Variants in FUT8 observed in about 807,000 individuals in gnomAD.
FUT8 encodes the protein alpha-(1,6)-fucosyltransferase.
FUT8 carries 29 observed loss-of-function variants against 71.3 expected under a neutral mutation model. That is an observed-to-expected ratio of 0.41 (90% CI 0.30 to 0.55). The LOEUF is 0.55. Among genes scored for constraint, FUT8 ranks in the 20% least tolerant of loss-of-function variants. The pLI, the probability that FUT8 is intolerant of heterozygous loss-of-function variation, is 0.34. For synonymous variants in FUT8, 254 were observed against 239.3 expected, an observed-to-expected ratio of 1.06 and a Z score of -0.57; for missense variants, 544 against 702.1, an observed-to-expected ratio of 0.77 and a Z score of 2.55.
the FUT8 span, among the ~76,000 whole-genome samples, chr14:65,372,669 G>A: frequency 1.8e-4 from 27 of 152,156 alleles, no homozygotes; most frequent in Admixed American, 8.5e-4. Flanking sequence ...CGCCCACCTC[G>A]GCCTTCCAAA....
At chr14:65,667,545 C>T (rs968919335) in intron 6 of FUT8, among the ~76,000 whole-genome samples, 2 of 152,090 alleles carry the variant, frequency 1.3e-5, no homozygotes, top group African/African-American at 4.8e-5. Context: ...AATGGAAAAA[C>T]ACTCCAGGCT....
At chr14:65,682,337 T>G (rs1397777903) in intron 7 of FUT8, among the ~76,000 whole-genome samples, 1 of 152,104 alleles carries the variant, frequency 6.6e-6, no homozygotes, top group African/African-American at 2.4e-5. Flanking sequence ...CCTGGTCTCT[T>G]AAAAATAAAA....
At chr14:65,609,824 A>T (rs572079231) in intron 3 of FUT8, among the ~76,000 whole-genome samples, 1 of 151,964 alleles carries the variant, frequency 6.6e-6, no homozygotes, top group South Asian at 2.1e-4. Context: ...ATTTGTATTG[A>T]GTATTCTAGA....
the FUT8 span, among the ~76,000 whole-genome samples, chr14:65,357,394 G>A: frequency 4.6e-5 from 7 of 152,184 alleles, no homozygotes; most frequent in South Asian, 2.1e-4. Context: ...TGAGACAATA[G>A]CTGTAAAACA....
chr14:65,706,535 C>G (rs1160272532), intron 7 of FUT8, among the ~76,000 whole-genome samples: 1 of 152,106 alleles, frequency 6.6e-6, no homozygotes, highest in Non-Finnish European at 1.5e-5. Flanking sequence ...ATACTATAAA[C>G]TGGGTGGCCT....
intron 1 of FUT8, among the ~76,000 whole-genome samples, chr14:65,440,196 G>A (rs766168446): frequency 6.6e-6 from 1 of 151,802 alleles, no homozygotes; most frequent in Non-Finnish European, 1.5e-5. Context: ...ATTACCAGGA[G>A]CTGTCAGCTG....
chr14:65,742,069 A>G (rs373479381), intron 10 of FUT8, 24 bp from the exon 11 acceptor site: 128 of 1,595,878 alleles, frequency 8.0e-5, no homozygotes, highest in Non-Finnish European at 1.0e-4. Flanking sequence ...TATACTAACA[A>G]TTTCTTTTAA....
chr14:65,394,692 C>T, the FUT8 span, among the ~76,000 whole-genome samples: 2 of 151,632 alleles, frequency 1.3e-5, no homozygotes, highest in Non-Finnish European at 2.9e-5. Flanking sequence ...GAAAAATTGG[C>T]CAAAACAAAG....
chr14:65,470,579 C>T (rs2066127484), intron 2 of FUT8, among the ~76,000 whole-genome samples: 1 of 152,204 alleles, frequency 6.6e-6, no homozygotes, highest in African/African-American at 2.4e-5. Context: ...CCCCAGTTGC[C>T]CTGGCGCTTC....
At chr14:65,361,826 A>G in the FUT8 span, among the ~76,000 whole-genome samples, 2 of 151,982 alleles carry the variant, frequency 1.3e-5, no homozygotes, top group South Asian at 2.1e-4. Context: ...AAATAAATAA[A>G]TAAATAAATA....
intron 2 of FUT8, chr14:65,488,212 G>A (rs1594690326): frequency 1.3e-5 from 2 of 152,198 alleles, no homozygotes; most frequent in African/African-American, 4.8e-5. Context: ...TAGACATATG[G>A]CTGAAAGGGA....
At chr14:65,688,871 G>A (rs1386890890) in intron 7 of FUT8, among the ~76,000 whole-genome samples, 2 of 152,122 alleles carry the variant, frequency 1.3e-5, no homozygotes, top group African/African-American at 4.8e-5. Context: ...TTTGGTGAGG[G>A]CCTTCTTCCT....
intron 2 of FUT8, among the ~76,000 whole-genome samples, chr14:65,556,456 C>A (rs893956233): frequency 7.9e-5 from 12 of 152,152 alleles, no homozygotes; most frequent in African/African-American, 2.9e-4. Flanking sequence ...CAGCTCCTTT[C>A]CACATGGGCC....
chr14:65,551,948 A>G (rs984554633), intron 2 of FUT8, among the ~76,000 whole-genome samples: 8 of 152,104 alleles, frequency 5.3e-5, no homozygotes, highest in Non-Finnish European at 4.4e-5. Flanking sequence ...CTGCGGTAAA[A>G]TCTTGACATA....
intron 2 of FUT8, among the ~76,000 whole-genome samples, chr14:65,519,657 T>C (rs1882952722): frequency 6.6e-6 from 1 of 152,202 alleles, no homozygotes; most frequent in Non-Finnish European, 1.5e-5. Flanking sequence ...GATGGTCCGT[T>C]GTCCTGTAAA....
chr14:65,454,558 C>T (rs1466261574), intron 1 of FUT8, among the ~76,000 whole-genome samples: 1 of 152,044 alleles, frequency 6.6e-6, no homozygotes, highest in Non-Finnish European at 1.5e-5. Context: ...GGTGATATTG[C>T]TTTTATATTA....
At chr14:65,730,296 T>A (rs1472108697) in intron 9 of FUT8, among the ~76,000 whole-genome samples, 1 of 152,208 alleles carries the variant, frequency 6.6e-6, no homozygotes, top group Non-Finnish European at 1.5e-5. Flanking sequence ...GGGGTTAAAA[T>A]TAGCTTTATA....
chr14:65,713,367 T>C (rs1222423600), intron 7 of FUT8, among the ~76,000 whole-genome samples: 2 of 152,194 alleles, frequency 1.3e-5, no homozygotes, highest in East Asian at 3.8e-4. Flanking sequence ...AACATGGGAG[T>C]TCAGGTATCT....
At position 65,671,221 on chromosome 14, in the gene FUT8, A is replaced by G. The variant is rs550375484; in HGVS notation, c.835+1741A>G. 1.3e-4 allele frequency among the ~76,000 whole-genome samples: 20 copies of G among 152,304 alleles called. No individual in the cohort carries two copies. In the South Asian group the frequency reaches 3.5e-3, roughly 27 times the overall value. ...TTTTGTATGGTAGTCAGAAAAGTGA[A>G]AAGTTACAGATTTATCAGGTTTAAT... On this transcript the variant is annotated intron_variant, in intron 7 of 10. Coordinates refer to ENST00000673929, the MANE Select transcript of FUT8 (RefSeq NM_001371533.1).
Sources: gnomAD v4.1 joint callset for allele counts (sites outside exome capture counted in the v4.1 genomes callset) on GRCh38, gnomAD v4.1.1 for gene constraint, MANE v1.5 for transcripts, NCBI Gene and HGNC (gene_info 2026-07-23, HGNC 2026-07-21) for gene names.